The following DLC1 variants were observed in gnomAD, a reference collection of about 807,000 sequenced individuals.
The protein encoded by DLC1 is DLC1 Rho GTPase activating protein.
A neutral mutation model predicts 140.3 loss-of-function variants in DLC1; 54 were observed. The observed-to-expected ratio is 0.38, with a 90% CI of 0.31 to 0.48. DLC1 has a LOEUF of 0.48. Ranked by LOEUF, DLC1 falls within the 20% of genes least tolerant of loss-of-function variation. DLC1 has a pLI of 0.96. For missense variants in DLC1, 2,536 were observed against 1,907.0 expected, an observed-to-expected ratio of 1.33 and a Z score of -6.14; for synonymous variants, 986 against 728.1, an observed-to-expected ratio of 1.35 and a Z score of -5.70.
At chr8:13,566,884 G>C (rs1235818169) in intron 1 of DLC1, 1 of 1,383,812 alleles carries the variant, frequency 7.2e-7, no homozygotes, top group East Asian at 2.5e-5. Flanking sequence ...GACCTCCGCA[G>C]AGCTGATGGC....
intron 4 of DLC1, among the ~76,000 whole-genome samples, chr8:13,315,194 C>G (rs143808042): frequency 6.6e-6 from 1 of 152,112 alleles, no homozygotes; most frequent in Non-Finnish European, 1.5e-5. Flanking sequence ...GCAGAAGGAT[C>G]CCTTGAGCCC....
At chr8:13,455,739 G>A (rs1293725763) in intron 2 of DLC1, among the ~76,000 whole-genome samples, 1 of 152,150 alleles carries the variant, frequency 6.6e-6, no homozygotes, top group Admixed American at 6.6e-5. Flanking sequence ...GGATAGGCAA[G>A]GTGGCTCATG....
chr8:13,235,589 T>C (rs552052684), intron 5 of DLC1, among the ~76,000 whole-genome samples: 1 of 152,046 alleles, frequency 6.6e-6, no homozygotes, highest in Non-Finnish European at 1.5e-5. Flanking sequence ...GGAAGAAAGA[T>C]CCTCCTGAAC....
chr8:13,119,226 T>TAA (rs757073542), intron 5 of DLC1, among the ~76,000 whole-genome samples: 15 of 119,696 alleles, frequency 1.3e-4, no homozygotes, highest in East Asian at 4.9e-4. Flanking sequence ...AGACCCTGTC[T>TAA]AAAAAAAAAA....
intron 1 of DLC1, among the ~76,000 whole-genome samples, chr8:13,541,767 T>G (rs191257593): frequency 6.6e-6 from 1 of 152,276 alleles, no homozygotes; most frequent in East Asian, 1.9e-4. Context: ...GCCAGGATGA[T>G]CTCGATCTCC....
chr8:13,535,739 G>T (rs1803256002), intron 1 of DLC1, among the ~76,000 whole-genome samples: 1 of 147,790 alleles, frequency 6.8e-6, no homozygotes. Flanking sequence ...TCAAAAATCA[G>T]AGATTATCAT....
intron 1 of DLC1, among the ~76,000 whole-genome samples, chr8:13,539,660 G>A (rs954788079): frequency 6.6e-6 from 1 of 151,948 alleles, no homozygotes; most frequent in Non-Finnish European, 1.5e-5. Context: ...AAGTGTTTCT[G>A]GTTAAGATTA....
chr8:13,268,906 ACT>A (rs1830801507), intron 5 of DLC1, among the ~76,000 whole-genome samples: 1 of 116,100 alleles, frequency 8.6e-6, no homozygotes, highest in Non-Finnish European at 1.7e-5. Context: ...ATGGAGTCTC[ACT>A]CTGTGGCCCA....
At chr8:13,442,902 C>G (rs145937347) in intron 2 of DLC1, among the ~76,000 whole-genome samples, 8 of 152,202 alleles carry the variant, frequency 5.3e-5, no homozygotes, top group Non-Finnish European at 8.8e-5. Flanking sequence ...GACACATGCA[C>G]GCATATGTTT....
chr8:13,139,095 C>G (rs1373320949), intron 5 of DLC1, among the ~76,000 whole-genome samples: 1 of 150,212 alleles, frequency 6.7e-6, no homozygotes, highest in African/African-American at 2.5e-5. Flanking sequence ...CCAGCCTGGG[C>G]AACACAAGGA....
intron 2 of DLC1, among the ~76,000 whole-genome samples, chr8:13,464,757 T>TATA (rs1554525143): frequency 3.3e-5 from 2 of 60,576 alleles, no homozygotes; most frequent in Non-Finnish European, 7.0e-5. Flanking sequence ...TATATATATA[T>TATA]ATATATATTT....
intron 2 of DLC1, among the ~76,000 whole-genome samples, chr8:13,494,972 C>A (rs974531437): frequency 6.6e-6 from 1 of 152,018 alleles, no homozygotes; most frequent in Non-Finnish European, 1.5e-5. Context: ...CAAACACACA[C>A]AAACCTGAGG....
chr8:13,474,399 C>T (rs1384490705), intron 2 of DLC1, among the ~76,000 whole-genome samples: 1 of 152,218 alleles, frequency 6.6e-6, no homozygotes, highest in African/African-American at 2.4e-5. Flanking sequence ...GTGAGGCCCT[C>T]CTGGAGAACT....
At chr8:13,418,521 T>C (rs2117333026) in intron 2 of DLC1, among the ~76,000 whole-genome samples, 2 of 152,274 alleles carry the variant, frequency 1.3e-5, no homozygotes, top group Middle Eastern at 6.8e-3. Flanking sequence ...GATCAGATAG[T>C]TGTAGATAAG....
intron 1 of DLC1, among the ~76,000 whole-genome samples, chr8:13,589,689 GT>G (rs5889464): frequency 0.79 from 115,228 of 145,556 alleles, 46,560 homozygotes; most frequent in Non-Finnish European, 0.88. Flanking sequence ...AGAATGCTCT[GT>G]TTTTTTTTTT....
At chr8:13,426,301 C>G (rs1326804235) in intron 2 of DLC1, among the ~76,000 whole-genome samples, 2 of 152,078 alleles carry the variant, frequency 1.3e-5, no homozygotes, top group Non-Finnish European at 2.9e-5. Context: ...TCCACAAATA[C>G]TTTTCTTCTC....
intron 5 of DLC1, among the ~76,000 whole-genome samples, chr8:13,149,704 T>C (rs554757431): frequency 1.2e-4 from 19 of 152,342 alleles, no homozygotes; most frequent in Non-Finnish European, 2.1e-4. Context: ...CCTGTGTACT[T>C]GGCCAGCCTT....
intron 5 of DLC1, among the ~76,000 whole-genome samples, chr8:13,117,654 G>T (rs1820671848): frequency 6.6e-6 from 1 of 152,220 alleles, no homozygotes; most frequent in African/African-American, 2.4e-5. Flanking sequence ...TTGAACAATA[G>T]ATTGTTAAAA....
intron 5 of DLC1, among the ~76,000 whole-genome samples, chr8:13,147,955 C>G (rs186091929): frequency 4.6e-5 from 7 of 152,180 alleles, no homozygotes; most frequent in Admixed American, 4.6e-4. Context: ...CTACTGCACT[C>G]CAGCCTGGGC....
Sources: allele counts gnomAD v4.1 joint callset (sites outside exome capture counted in the v4.1 genomes callset), GRCh38; gene constraint gnomAD v4.1.1; transcripts MANE v1.5; gene names NCBI Gene and HGNC (gene_info 2026-07-23, HGNC 2026-07-21).